The following YTHDF1 variants were observed in gnomAD, a reference collection of about 807,000 sequenced individuals.
YTHDF1 encodes YTH N6-methyladenosine RNA binding protein F1.
In YTHDF1, 16 loss-of-function variants were observed where a neutral mutation model predicts 49.1. That is an observed-to-expected ratio of 0.33 (90% CI 0.22 to 0.49). The LOEUF (loss-of-function observed/expected upper bound fraction) is 0.49. YTHDF1 is among the 20% of genes least tolerant of loss of function. YTHDF1 has a pLI of 0.99. For missense variants in YTHDF1, 621 were observed against 744.3 expected (o/e 0.83, Z 1.93); for synonymous variants, 313 against 290.1 (o/e 1.08, Z -0.80).
chr20:63,208,141 C>T (rs1022174908), intron 3 of YTHDF1, among the ~76,000 whole-genome samples: 2 of 152,134 alleles, frequency 1.3e-5, no homozygotes, highest in African/African-American at 2.4e-5. Context: ...TTCCTATATC[C>T]ATTTTTCTGA....
chr20:63,209,068 T>C (rs2066561442), intron 3 of YTHDF1, among the ~76,000 whole-genome samples: 1 of 152,194 alleles, frequency 6.6e-6, no homozygotes, highest in Non-Finnish European at 1.5e-5. Context: ...GTCTAAACAT[T>C]ATCTAAACAC....
Position 63,203,747 on chromosome 20 carries a change from C to T in YTHDF1, c.193G>A (p.Gly65Arg), listed in dbSNP as rs773451524. Residue 65 changes from glycine to arginine, a missense_variant, in exon 4 of 5, where the codon GGA (glycine) becomes AGA (arginine). Coordinates refer to ENST00000370339, the MANE Select transcript of YTHDF1 (RefSeq NM_017798.4). The surrounding 1 kb of genome is among the most constrained non-coding windows in gnomAD (Gnocchi z 4.4). ...GCCTCATTGAGGGAGTAAGGAAATC[C>T]AATGGACGGCGGGTAATAGCTGGAC... ...YLSSYYPPSI[G>R]FPYSLNEAPW... The T allele has an allele frequency of 1.2e-6, 2 of 1,614,022 alleles. No individual in the cohort carries two copies. The highest frequency in any genetic ancestry group is 1.7e-6 in the Non-Finnish European group (2 of 1,179,958).
rs148684762 is a variant in YTHDF1, at chr20:63,203,406, G to A, written c.534C>T (p.Pro178=). Residue 178 remains proline (P), a synonymous_variant, in exon 4 of 5, where the codon CCC becomes CCT. Coordinates refer to ENST00000370339, the MANE Select transcript of YTHDF1 (RefSeq NM_017798.4). This position sits in a 1 kb window ranked among gnomAD's most constrained non-coding sequence, Gnocchi z 4.4. ...TGCCCTGCTCCAGGCTGTTCATCCC[G>A]GGGGCCTTGCTGAGGGTGTCGCTGT... The part of the protein sequence containing the change: ...GFHSDTLSKA[P]GMNSLEQGMV... 1.2e-5 allele frequency: 20 copies of A among 1,612,754 alleles called. No homozygotes were observed. Among genetic ancestry groups the A allele is most frequent in the African/African-American group, 5.3e-5 (4 of 75,026 alleles).
At chr20:63,196,792 C>T (rs1454761454) in intron 4 of YTHDF1, 58 bp from the exon 5 acceptor site, 1 of 1,607,474 alleles carries the variant, frequency 6.2e-7, no homozygotes, top group African/African-American at 1.3e-5. Flanking sequence ...GAATCCCTCC[C>T]AAAAGTGAGA....
Position 63,202,544 on chromosome 20 carries a change from A to T in YTHDF1, c.1396T>A (p.Ser466Thr), listed in dbSNP as rs1471404179. 6.2e-7 allele frequency: 1 copy of T among 1,614,088 alleles called. No individual in the cohort carries two copies. The highest frequency in any genetic ancestry group is 8.5e-7 in the Non-Finnish European group (1 of 1,180,052). The change falls in exon 4 of 5, where the codon TCT (serine) becomes ACT (threonine). Residue 466 changes from serine (S) to threonine (T), a missense_variant. Ser to Thr is a moderately conservative substitution (Grantham distance 58). Coordinates refer to ENST00000370339, the MANE Select transcript of YTHDF1 (RefSeq NM_017798.4). ...VDYGTSAGVW[S>T]QDKWKGKFDV... The stretch of plus-strand genomic sequence containing the variant: ...AACTTCCCCTTCCACTTGTCCTGAG[A>T]CCAGACCCCGGCACTGGTGCCGTAG...
chr20:63,212,985 G>A (rs1248387265), intron 3 of YTHDF1, among the ~76,000 whole-genome samples: 5 of 152,236 alleles, frequency 3.3e-5, no homozygotes, highest in African/African-American at 7.2e-5. Flanking sequence ...GGGCCCTGCT[G>A]TATCAGGTAC....
chr20:63,206,459 A>C (rs2066546593), intron 3 of YTHDF1, among the ~76,000 whole-genome samples: 2 of 152,258 alleles, frequency 1.3e-5, no homozygotes, highest in East Asian at 3.8e-4. Context: ...CACGCTGCAC[A>C]GACAGAGAGC....
At position 63,203,490 on chromosome 20, in the gene YTHDF1, G is replaced by C. The variant is rs776420189; in HGVS notation, c.450C>G (p.Ser150Arg). Residue 150 changes from serine (S) to arginine (R), a missense_variant, in exon 4 of 5, where the codon AGC becomes AGG. Ser to Arg is a moderately radical substitution (Grantham distance 110). Coordinates refer to ENST00000370339, the MANE Select transcript of YTHDF1 (RefSeq NM_017798.4). The surrounding 1 kb of genome is among the most constrained non-coding windows in gnomAD (Gnocchi z 4.4). ...QQTQSSAYGS[S>R]YTYPPSSLGG... ...CCAGGGAGCTCGGGGGGTAGGTGTA[G>C]CTGCTCCCATACGCGGAGCTCTGGG... The C allele has an allele frequency of 6.8e-6, 11 of 1,613,612 alleles. No homozygotes were observed. Among genetic ancestry groups the C allele is most frequent in the Non-Finnish European group, 9.3e-6 (11 of 1,180,016 alleles).
At chr20:63,215,094 T>A (rs2066594815) in intron 2 of YTHDF1, among the ~76,000 whole-genome samples, 1 of 152,198 alleles carries the variant, frequency 6.6e-6, no homozygotes, top group African/African-American at 2.4e-5. Context: ...AAACGTGAAG[T>A]GTCACTTAAC....
intron 3 of YTHDF1, among the ~76,000 whole-genome samples, chr20:63,210,630 CA>C (rs1313989093): frequency 1.3e-5 from 2 of 151,258 alleles, no homozygotes; most frequent in South Asian, 2.1e-4. Context: ...CTAAAAATAC[CA>C]AAAAAAATTA....
At chr20:63,210,059 T>G (rs540719124) in intron 3 of YTHDF1, among the ~76,000 whole-genome samples, 2 of 152,216 alleles carry the variant, frequency 1.3e-5, no homozygotes, top group Non-Finnish European at 2.9e-5. Flanking sequence ...TACTCTGGTA[T>G]GACTGGGGCA....
At position 63,203,260 on chromosome 20, in the gene YTHDF1, G is replaced by A; in HGVS notation, c.680C>T (p.Pro227Leu). 6.2e-7 allele frequency: 1 copy of A among 1,613,924 alleles called. No individual in the cohort carries two copies. The highest frequency in any genetic ancestry group is 8.5e-7 in the Non-Finnish European group (1 of 1,180,032). ...AGCCCACGAGGTCGGCTTTGAAACT[G>A]GCATGTTCACATTTGTCCCACCGTT... is the stretch of plus-strand genomic sequence containing the variant. ...SGNGGTNVNMPVSKPTSWAAI... is the reference protein window; with the variant it reads ...SGNGGTNVNMLVSKPTSWAAI... Residue 227 changes from proline to leucine, a missense_variant, in exon 4 of 5, where the codon CCA (proline) becomes CTA (leucine). Physicochemically the swap from Pro to Leu is moderately conservative, Grantham distance 98 (BLOSUM62 -3). Around this residue, in one of 2 missense-constraint regions of YTHDF1, gnomAD observed 470 missense variants for 495.8 expected, o/e 0.95. Coordinates refer to ENST00000370339, the MANE Select transcript of YTHDF1 (RefSeq NM_017798.4). The surrounding 1 kb of genome is among the most constrained non-coding windows in gnomAD (Gnocchi z 4.4).
Position 63,203,583 on chromosome 20 carries a change from C to A in YTHDF1, c.357G>T (p.Arg119Ser). 1 of 1,614,134 alleles carries A rather than the reference C, an allele frequency of 6.2e-7. No homozygotes were observed. The highest frequency in any genetic ancestry group is 1.1e-5 in the South Asian group (1 of 91,074). Reference protein sequence around the residue: ...GGLGNNIYQHRFNFFPENPAF... With the variant: ...GGLGNNIYQHSFNFFPENPAF... ...CAGGGTTTTCAGGGAAAAAATTGAA[C>A]CTGTGCTGATAGATGTTGTTCCCCA... Residue 119 changes from arginine to serine, a missense_variant, in exon 4 of 5, where the codon AGG becomes AGT. Arg to Ser is a moderately radical substitution (Grantham distance 110, BLOSUM62 -1). Transcript: ENST00000370339. This position sits in a 1 kb window ranked among gnomAD's most constrained non-coding sequence, Gnocchi z 4.4.
intron 3 of YTHDF1, among the ~76,000 whole-genome samples, chr20:63,211,254 C>T (rs2066572761): frequency 6.6e-6 from 1 of 152,088 alleles, no homozygotes; most frequent in Non-Finnish European, 1.5e-5. Flanking sequence ...TGCTTGAGCC[C>T]ATGAGTTCAA....
At chr20:63,214,304 T>G (rs1459359449) in intron 2 of YTHDF1, among the ~76,000 whole-genome samples, 2 of 152,186 alleles carry the variant, frequency 1.3e-5, no homozygotes, top group East Asian at 1.9e-4. Flanking sequence ...AAATGCAGAA[T>G]GTATGCCCAA....
At chr20:63,211,363 G>A (rs1384790479) in intron 3 of YTHDF1, among the ~76,000 whole-genome samples, 1 of 152,110 alleles carries the variant, frequency 6.6e-6, no homozygotes, top group East Asian at 1.9e-4. Flanking sequence ...TACTTGGGAG[G>A]TTGAGGTGGG....
At chr20:63,209,743 A>G (rs1464519893) in intron 3 of YTHDF1, among the ~76,000 whole-genome samples, 1 of 152,188 alleles carries the variant, frequency 6.6e-6, no homozygotes, top group East Asian at 1.9e-4. Flanking sequence ...CAAAAACCCA[A>G]AAAGACACAA....
chr20:63,199,717 ACCT>A (rs1186313028), intron 4 of YTHDF1, among the ~76,000 whole-genome samples: 6 of 151,924 alleles, frequency 3.9e-5, no homozygotes, highest in Admixed American at 6.6e-5. Context: ...CAGTCTGGGG[ACCT>A]CCTCAAGGAC....
chr20:63,210,179 T>C (rs1442096943), intron 3 of YTHDF1, among the ~76,000 whole-genome samples: 1 of 151,972 alleles, frequency 6.6e-6, no homozygotes, highest in East Asian at 1.9e-4. Flanking sequence ...ACCATCATAG[T>C]CTTATGGGAC....
Sources: allele counts gnomAD v4.1 joint callset (sites outside exome capture counted in the v4.1 genomes callset), GRCh38; gene constraint gnomAD v4.1.1; regional missense constraint gnomAD v4.1.1; non-coding constraint Gnocchi (gnomAD v3.1); transcripts MANE v1.5; gene names NCBI Gene and HGNC (gene_info 2026-07-23, HGNC 2026-07-21).